The following MYCBP2 variants were observed in gnomAD, a reference collection of about 807,000 sequenced individuals.
MYCBP2 encodes E3 ubiquitin-protein ligase MYCBP2.
A neutral mutation model predicts 525.3 loss-of-function variants in MYCBP2; 120 were observed. That is an observed-to-expected ratio of 0.23 (90% CI 0.20 to 0.27). The LOEUF (loss-of-function observed/expected upper bound fraction) is 0.27. Among genes scored for constraint, MYCBP2 ranks in the 10% least tolerant of loss-of-function variants. The pLI is 1.00. For synonymous variants in MYCBP2, 1,894 were observed against 1,955.8 expected (o/e 0.97, Z 0.83); for missense variants, 4,149 against 5,657.1 (o/e 0.73, Z 8.55).
At chr13:77,067,908 T>C (rs756715483) in intron 70 of MYCBP2, 44 bp from the exon 71 acceptor site, 7 of 1,523,026 alleles carry the variant, frequency 4.6e-6, no homozygotes, top group Middle Eastern at 2.0e-4. Flanking sequence ...TAAAGACTAA[T>C]GTTTTAAGGT....
chr13:77,095,679 G>A lies in MYCBP2; in HGVS notation c.9955-77C>T, dbSNP rs2046128950. 6 of 1,493,082 alleles carry A rather than the reference G, an allele frequency of 4.0e-6. No homozygotes were observed. In the Admixed American group the frequency reaches 8.8e-5, roughly 22 times the overall value. 92.5% of individuals were successfully genotyped at this position (1,493,082 alleles called of 1,614,324 possible). A position where few individuals can be genotyped will look rare whatever the true frequency, so the allele number is the denominator to read the frequency against. The stretch of plus-strand genomic sequence containing the variant: ...TAGTTTCTTAAGCTAAGTATTTTGA[G>A]TTTCCAATAAAAATTATTAAACACT... On this transcript the variant is annotated intron_variant, in intron 57 of 82. Transcript: ENST00000544440.
intron 1 of MYCBP2, among the ~76,000 whole-genome samples, chr13:77,309,871 T>C (rs1453539288): frequency 1.3e-5 from 2 of 152,178 alleles, no homozygotes; most frequent in African/African-American, 4.8e-5. Flanking sequence ...CTCAGTACTT[T>C]GGGAGGTCGA....
intron 52 of MYCBP2, among the ~76,000 whole-genome samples, chr13:77,135,488 G>C (rs1333640064): frequency 6.6e-6 from 1 of 152,148 alleles, no homozygotes; most frequent in Non-Finnish European, 1.5e-5. Flanking sequence ...TAAAAAAAAT[G>C]TACTGACTGC....
chr13:77,057,833 GCTT>G (rs2038433577), intron 78 of MYCBP2, among the ~76,000 whole-genome samples: 3 of 140,862 alleles, frequency 2.1e-5, no homozygotes, highest in South Asian at 4.4e-4. Flanking sequence ...TCAATCAACT[GCTT>G]TTTTTTTTTT....
intron 13 of MYCBP2, among the ~76,000 whole-genome samples, chr13:77,259,829 G>T (rs1250728656): frequency 6.6e-6 from 1 of 152,156 alleles, no homozygotes; most frequent in Non-Finnish European, 1.5e-5. Context: ...CTAGCTGCTA[G>T]AAAGAAAATC....
intron 4 of MYCBP2, among the ~76,000 whole-genome samples, chr13:77,274,392 C>T (rs1023933937): frequency 6.6e-6 from 1 of 151,662 alleles, no homozygotes; most frequent in East Asian, 1.9e-4. Context: ...TTCCATAGAA[C>T]GGAGACTTGA....
In MYCBP2 at chr13:77,058,608, A is replaced by AT. The variant is rs1055584511; in HGVS notation, c.13141-203dup. Among the ~76,000 whole-genome samples the AT allele has an allele frequency of 5.9e-5, 9 of 151,354 alleles. No individual in the cohort carries two copies. The highest frequency in any genetic ancestry group is 2.2e-4 in the African/African-American group (9 of 41,246). ...AACAAAGTTTTTTTTTTTTGATGCGATTTTTAAAAAATGCCACTCTCTATA... is the reference window on the plus strand; with the variant it reads ...AACAAAGTTTTTTTTTTTTGATGCGATTTTTTAAAAAATGCCACTCTCTATA... On this transcript the variant is annotated intron_variant, in intron 77 of 82. Coordinates refer to ENST00000544440, the MANE Select transcript of MYCBP2 (RefSeq NM_015057.5). This position sits in a 1 kb window ranked among gnomAD's most constrained non-coding sequence, Gnocchi z 4.1.
intron 1 of MYCBP2, among the ~76,000 whole-genome samples, chr13:77,316,792 C>G (rs900945772): frequency 2.1e-5 from 3 of 144,718 alleles, no homozygotes; most frequent in Non-Finnish European, 4.7e-5. Flanking sequence ...GGGCCTTTCT[C>G]GTGTCCATTT....
At chr13:77,319,990 G>GA (rs1425549922) in intron 1 of MYCBP2, among the ~76,000 whole-genome samples, 3 of 152,202 alleles carry the variant, frequency 2.0e-5, no homozygotes, top group African/African-American at 7.2e-5. Context: ...GGCAGTGAAA[G>GA]ACGTAAGACT....
chr13:77,289,872 T>C (rs1363542844), intron 2 of MYCBP2, among the ~76,000 whole-genome samples: 2 of 151,992 alleles, frequency 1.3e-5, no homozygotes, highest in African/African-American at 2.4e-5. Context: ...TAAAAATGAG[T>C]AGTATATCCA....
At chr13:77,283,304 G>T (rs1385289941) in intron 3 of MYCBP2, among the ~76,000 whole-genome samples, 1 of 152,134 alleles carries the variant, frequency 6.6e-6, no homozygotes, top group Non-Finnish European at 1.5e-5. Flanking sequence ...ATCTCAGCCA[G>T]TGTTGAGTCC....
At chr13:77,188,925 C>A (rs777163339) in intron 30 of MYCBP2, 26 bp downstream of exon 30, 1 of 1,546,108 alleles carries the variant, frequency 6.5e-7, no homozygotes, top group Non-Finnish European at 8.8e-7. Flanking sequence ...AAGAGAAAAG[C>A]TGAAATTTTT....
chr13:77,193,854 A>G (rs1969954), intron 27 of MYCBP2, among the ~76,000 whole-genome samples: 111,572 of 151,932 alleles, frequency 0.73, 42,137 homozygotes, highest in Middle Eastern at 0.84. Context: ...AACACCAGCA[A>G]ACTAGGTATT....
chr13:77,188,919 G>A (rs2061022512), intron 30 of MYCBP2, 32 bp downstream of exon 30: 1 of 1,521,236 alleles, frequency 6.6e-7, no homozygotes, highest in South Asian at 1.2e-5. Flanking sequence ...GGACTGAAGA[G>A]AAAAGCTGAA....
At chr13:77,113,287 C>T (rs1323779729) in intron 55 of MYCBP2, among the ~76,000 whole-genome samples, 1 of 152,142 alleles carries the variant, frequency 6.6e-6, no homozygotes, top group Admixed American at 6.6e-5. Flanking sequence ...AGAAGCTTTC[C>T]TATGTTTCCA....
At chr13:77,260,703 A>G (rs2073124049) in intron 12 of MYCBP2, 111 bp from the exon 13 acceptor site, 3 of 958,978 alleles carry the variant, frequency 3.1e-6, no homozygotes, top group Non-Finnish European at 4.5e-6. Context: ...TTATGACACT[A>G]TTTGTTTATT....
chr13:77,311,877 A>ATG (rs2080280238), intron 1 of MYCBP2, among the ~76,000 whole-genome samples: 1 of 152,056 alleles, frequency 6.6e-6, no homozygotes, highest in Admixed American at 6.5e-5. Flanking sequence ...AAAGCCAAAA[A>ATG]TTTACCGATT....
chr13:77,190,177 C>T, intron 29 of MYCBP2, 75 bp downstream of exon 29: 1 of 872,748 alleles, frequency 1.1e-6, no homozygotes, highest in Non-Finnish European at 1.7e-6. Context: ...CCTATTATGC[C>T]ACGTTTTGTA....
At chr13:77,155,287 AAAT>A in intron 46 of MYCBP2, among the ~76,000 whole-genome samples, 1 of 152,154 alleles carries the variant, frequency 6.6e-6, no homozygotes, top group Non-Finnish European at 1.5e-5. Context: ...GTTCTACTGA[AAAT>A]AATATTGAGG....
Sources: allele counts gnomAD v4.1 joint callset (sites outside exome capture counted in the v4.1 genomes callset), GRCh38; gene constraint gnomAD v4.1.1; non-coding constraint Gnocchi (gnomAD v3.1); transcripts MANE v1.5; gene names NCBI Gene and HGNC (gene_info 2026-07-23, HGNC 2026-07-21).